The following DPP10 variants were observed in gnomAD, a reference collection of about 807,000 sequenced individuals.
DPP10 encodes dipeptidyl peptidase like 10, also known as inactive dipeptidyl peptidase 10.
In DPP10, 33 loss-of-function variants were observed where a neutral mutation model predicts 120.9. That is an observed-to-expected ratio of 0.27 (90% CI 0.21 to 0.37). The LOEUF is 0.37. Among genes scored for constraint, DPP10 ranks in the 10% least tolerant of loss-of-function variants. DPP10 has a pLI of 1.00. For synonymous variants in DPP10, 337 were observed against 326.1 expected, an observed-to-expected ratio of 1.03 and a Z score of -0.36; for missense variants, 816 against 942.8, an observed-to-expected ratio of 0.87 and a Z score of 1.76.
chr2:115,261,187 C>T (rs890514469), intron 1 of DPP10, among the ~76,000 whole-genome samples: 1 of 152,174 alleles, frequency 6.6e-6, no homozygotes, highest in South Asian at 2.1e-4. Flanking sequence ...TACATTCTAA[C>T]TTGCATCATG....
intron 3 of DPP10, among the ~76,000 whole-genome samples, chr2:115,479,626 T>A (rs2075305608): frequency 6.7e-6 from 1 of 149,326 alleles, no homozygotes; most frequent in African/African-American, 2.6e-5. Flanking sequence ...AGTTTAATTT[T>A]AAATAAAAAC....
At position 114,988,678 on chromosome 2, in the gene DPP10, C is replaced by T. The variant is rs142157750; in HGVS notation, c.61-320561C>T. Among the ~76,000 whole-genome samples the T allele has an allele frequency of 2.1e-3, 324 of 152,300 alleles. 2 individuals carry two copies. The highest frequency in any genetic ancestry group is 7.5e-3 in the African/African-American group (311 of 41,558). On this transcript the variant is annotated intron_variant, in intron 1 of 25. Transcript: ENST00000410059. ...AATATGATCTATGCTTTATATCCAT[C>T]AGCTTCAATCTAGCTTTTTCTTCTA...
intron 1 of DPP10, among the ~76,000 whole-genome samples, chr2:114,803,960 T>C (rs922343723): frequency 6.6e-6 from 1 of 152,204 alleles, no homozygotes; most frequent in Non-Finnish European, 1.5e-5. Context: ...ACAGCAGCCC[T>C]TCCCATCACA....
At chr2:114,997,608 CA>C (rs1304670192) in intron 1 of DPP10, among the ~76,000 whole-genome samples, 4 of 151,156 alleles carry the variant, frequency 2.6e-5, no homozygotes, top group East Asian at 1.9e-4. Context: ...TATAATTTTA[CA>C]AAAAAACAAG....
intron 1 of DPP10, among the ~76,000 whole-genome samples, chr2:114,821,200 A>G (rs1381009296): frequency 1.3e-5 from 2 of 152,202 alleles, no homozygotes; most frequent in African/African-American, 4.8e-5. Flanking sequence ...TAGCCCGTGA[A>G]AAAGCTGGCC....
intron 1 of DPP10, among the ~76,000 whole-genome samples, chr2:114,548,616 G>A (rs79176249): frequency 0.014 from 2,173 of 152,330 alleles, 19 homozygotes; most frequent in Non-Finnish European, 0.023. Flanking sequence ...GTGGGTCTCT[G>A]AAGCAGTTGG....
intron 1 of DPP10, among the ~76,000 whole-genome samples, chr2:115,147,039 T>A (rs367793117): frequency 6.6e-6 from 1 of 152,242 alleles, no homozygotes; most frequent in South Asian, 2.1e-4. Context: ...TGAACAAAGA[T>A]CATACCAAAT....
chr2:114,921,663 T>C (rs1409766153), intron 1 of DPP10, among the ~76,000 whole-genome samples: 1 of 152,234 alleles, frequency 6.6e-6, no homozygotes, highest in Non-Finnish European at 1.5e-5. Context: ...CTACTTATGC[T>C]CTATTTCTTA....
intron 1 of DPP10, among the ~76,000 whole-genome samples, chr2:114,549,067 G>A (rs1444628985): frequency 6.6e-6 from 1 of 152,160 alleles, no homozygotes; most frequent in Non-Finnish European, 1.5e-5. Flanking sequence ...GCATTAGCAG[G>A]GGATGGCGAA....
intron 5 of DPP10, among the ~76,000 whole-genome samples, chr2:115,589,939 G>C (rs1019597705): frequency 4.6e-5 from 7 of 151,998 alleles, no homozygotes; most frequent in Non-Finnish European, 1.0e-4. Flanking sequence ...ACCAGGTACT[G>C]TAAAGTATAA....
chr2:115,744,604 T>G (rs1475768183), intron 9 of DPP10, among the ~76,000 whole-genome samples: 3 of 150,430 alleles, frequency 2.0e-5, no homozygotes, highest in African/African-American at 7.3e-5. Context: ...GTGGAAACCT[T>G]TCCTGACTTC....
At chr2:115,806,936 T>C (rs1686049175) in intron 19 of DPP10, among the ~76,000 whole-genome samples, 3 of 152,150 alleles carry the variant, frequency 2.0e-5, no homozygotes, top group South Asian at 4.1e-4. Flanking sequence ...ATTGCAGTTA[T>C]GTGCACGTGA....
intron 7 of DPP10, among the ~76,000 whole-genome samples, chr2:115,695,504 G>A (rs1309284745): frequency 6.6e-6 from 1 of 152,076 alleles, no homozygotes; most frequent in African/African-American, 2.4e-5. Flanking sequence ...GTGGGCAGGA[G>A]GGCATGTGCA....
chr2:115,836,892 G>A, intron 24 of DPP10, 146 bp downstream of exon 24: 1 of 677,390 alleles, frequency 1.5e-6, no homozygotes. Flanking sequence ...ATGATAGAAG[G>A]TGGGAAAAAA....
At chr2:115,442,363 T>TTG (rs555025083) in intron 3 of DPP10, among the ~76,000 whole-genome samples, 20,392 of 147,206 alleles carry the variant, frequency 0.14, 2,554 homozygotes, top group African/African-American at 0.33. Context: ...GTGTGTGTGT[T>TTG]TGTGTGTGTG....
intron 3 of DPP10, among the ~76,000 whole-genome samples, chr2:115,379,152 G>A (rs1173715646): frequency 1.3e-5 from 2 of 152,160 alleles, no homozygotes; most frequent in Non-Finnish European, 2.9e-5. Flanking sequence ...TGTACCTCTG[G>A]TAGAATTCAG....
chr2:114,898,077 A>G (rs1693194431), intron 1 of DPP10, among the ~76,000 whole-genome samples: 1 of 152,238 alleles, frequency 6.6e-6, no homozygotes, highest in Non-Finnish European at 1.5e-5. Context: ...TATTCACAAT[A>G]GCAAAGAGTT....
At chr2:114,482,265 A>G (rs1681127074) in intron 1 of DPP10, among the ~76,000 whole-genome samples, 1 of 152,184 alleles carries the variant, frequency 6.6e-6, no homozygotes, top group African/African-American at 2.4e-5. Flanking sequence ...GCTAGGGGTT[A>G]GCTGTGGGGG....
At chr2:114,507,265 C>T (rs1194324138) in intron 1 of DPP10, among the ~76,000 whole-genome samples, 5 of 152,028 alleles carry the variant, frequency 3.3e-5, no homozygotes, top group African/African-American at 1.2e-4. Flanking sequence ...TCCCGGCTGG[C>T]CTCAAATTCC....
Sources: gnomAD v4.1 joint callset for allele counts (sites outside exome capture counted in the v4.1 genomes callset) on GRCh38, gnomAD v4.1.1 for gene constraint, MANE v1.5 for transcripts, NCBI Gene and HGNC (gene_info 2026-07-23, HGNC 2026-07-21) for gene names.